Variants in TTC7B observed in about 807,000 individuals in gnomAD.
TTC7B encodes the protein tetratricopeptide repeat domain 7B.
In TTC7B, 28 loss-of-function variants were observed where a neutral mutation model predicts 106.8. That is an observed-to-expected ratio of 0.26 (90% CI 0.19 to 0.36). The LOEUF (loss-of-function observed/expected upper bound fraction) is 0.36, where lower values mean the gene tolerates loss of function less well. TTC7B is among the 10% of genes least tolerant of loss of function. The pLI is 1.00. For missense variants in TTC7B, 862 were observed against 1,076.4 expected (o/e 0.80, Z 2.79); for synonymous variants, 405 against 430.6 (o/e 0.94, Z 0.74).
chr14:90,612,148 C>T (rs1442237763), intron 16 of TTC7B, among the ~76,000 whole-genome samples: 1 of 152,220 alleles, frequency 6.6e-6, no homozygotes, highest in African/African-American at 2.4e-5. Context: ...AAGAAAACTT[C>T]CTTCAGGACA....
At chr14:90,697,396 G>C (rs1337692519) in intron 5 of TTC7B, 2 of 148,180 alleles carry the variant, frequency 1.3e-5, no homozygotes, top group African/African-American at 5.3e-5. Flanking sequence ...GGCCCAGTGA[G>C]AGAGTGAGCT....
chr14:90,689,888 G>A (rs1357157453), intron 6 of TTC7B, among the ~76,000 whole-genome samples, 176 bp from the exon 7 acceptor site: 1 of 152,162 alleles, frequency 6.6e-6, no homozygotes, highest in Non-Finnish European at 1.5e-5. Flanking sequence ...AGAAAGAAAA[G>A]AAAATATGAT....
chr14:90,784,273 T>C (rs1036885056), intron 2 of TTC7B, among the ~76,000 whole-genome samples: 6 of 152,076 alleles, frequency 3.9e-5, no homozygotes, highest in African/African-American at 1.4e-4. Flanking sequence ...ACATATGAGA[T>C]GAGGCCGGGA....
At chr14:90,565,927 G>A (rs1890775832) in intron 19 of TTC7B, among the ~76,000 whole-genome samples, 1 of 152,124 alleles carries the variant, frequency 6.6e-6, no homozygotes, top group South Asian at 2.1e-4. Context: ...GGTTCATGGT[G>A]CCCCCAAACA....
At chr14:90,633,607 C>T (rs1275205256) in intron 15 of TTC7B, among the ~76,000 whole-genome samples, 1 of 152,180 alleles carries the variant, frequency 6.6e-6, no homozygotes, top group East Asian at 1.9e-4. Flanking sequence ...GTCTGAGGGC[C>T]TGATCAAAGC....
At chr14:90,767,126 G>A (rs1890715997) in intron 3 of TTC7B, 2 of 595,484 alleles carry the variant, frequency 3.4e-6, no homozygotes, top group Non-Finnish European at 5.9e-6. Context: ...GGCTGAGGCA[G>A]GAGCATCGCT....
At chr14:90,626,297 A>T (rs761919283) in intron 15 of TTC7B, among the ~76,000 whole-genome samples, 6 of 152,194 alleles carry the variant, frequency 3.9e-5, no homozygotes, top group Non-Finnish European at 5.9e-5. Flanking sequence ...TCTTAAATTC[A>T]GTGAGAATTC....
chr14:90,679,664 G>A (rs1886975156), intron 8 of TTC7B, among the ~76,000 whole-genome samples: 1 of 152,166 alleles, frequency 6.6e-6, no homozygotes, highest in African/African-American at 2.4e-5. Flanking sequence ...TTTGATTCCA[G>A]GAGCCCACCC....
intron 5 of TTC7B, among the ~76,000 whole-genome samples, chr14:90,701,357 C>T (rs1002924471): frequency 1.2e-4 from 19 of 152,118 alleles, no homozygotes; most frequent in African/African-American, 3.9e-4. Flanking sequence ...GTAGGGACTA[C>T]GGCCCAGGCA....
At chr14:90,653,117 C>T (rs1286082958) in intron 12 of TTC7B, among the ~76,000 whole-genome samples, 1 of 152,192 alleles carries the variant, frequency 6.6e-6, no homozygotes. Flanking sequence ...TGGAACAATG[C>T]CAAGGGGACA....
chr14:90,562,825 C>T (rs1466187503), intron 19 of TTC7B, among the ~76,000 whole-genome samples: 1 of 152,164 alleles, frequency 6.6e-6, no homozygotes, highest in Admixed American at 6.5e-5. Context: ...ATGCATAAGC[C>T]ACCTCCAAAA....
chr14:90,787,003 C>T (rs1164286342), intron 1 of TTC7B, among the ~76,000 whole-genome samples: 1 of 152,160 alleles, frequency 6.6e-6, no homozygotes, highest in Non-Finnish European at 1.5e-5. Flanking sequence ...TACGTATTTT[C>T]AAGAGTGGCG....
At chr14:90,782,882 T>C (rs1891265394) in intron 2 of TTC7B, among the ~76,000 whole-genome samples, 1 of 151,904 alleles carries the variant, frequency 6.6e-6, no homozygotes, top group Non-Finnish European at 1.5e-5. Flanking sequence ...TTAACGCCAC[T>C]ACACTGTACA....
chr14:90,625,231 C>T (rs867094913), intron 15 of TTC7B, among the ~76,000 whole-genome samples: 10 of 152,080 alleles, frequency 6.6e-5, no homozygotes, highest in African/African-American at 1.2e-4. Flanking sequence ...ATGTCGTGAC[C>T]GGGAGAAGGC....
intron 15 of TTC7B, among the ~76,000 whole-genome samples, chr14:90,631,244 A>C (rs370315582): frequency 2.0e-5 from 3 of 152,094 alleles, no homozygotes; most frequent in East Asian, 3.9e-4. Flanking sequence ...CCTTTTGGCT[A>C]TTGAGAATTA....
At chr14:90,579,118 G>A (rs531809894) in intron 18 of TTC7B, among the ~76,000 whole-genome samples, 84 of 152,312 alleles carry the variant, frequency 5.5e-4, no homozygotes, top group African/African-American at 1.9e-3. Flanking sequence ...CAGGGGGAAC[G>A]TGTCAACTGG....
intron 17 of TTC7B, among the ~76,000 whole-genome samples, chr14:90,599,259 TA>T (rs1227122575): frequency 6.6e-6 from 1 of 152,202 alleles, no homozygotes; most frequent in Non-Finnish European, 1.5e-5. Flanking sequence ...ATAAATAGGA[TA>T]TATTATATTC....
At position 90,531,603 on chromosome 14, in the gene TTC7B, G is replaced by A. The variant is rs1020831581; in HGVS notation, c.*9765C>T. The A allele has an allele frequency of 8.2e-6, 1 of 121,962 alleles. No individual in the cohort carries two copies. 7.6% of individuals were successfully genotyped at this position (121,962 alleles called of 1,614,324 possible). Reference sequence around the variant, plus strand: ...CATTGCGCTCCAGCCTGGACAACAAGAGCGAAACTCCTTCTCAAAAAAAAA... The same window carrying A: ...CATTGCGCTCCAGCCTGGACAACAAAAGCGAAACTCCTTCTCAAAAAAAAA... On this transcript the variant is annotated 3_prime_UTR_variant, in exon 20 of 20. Coordinates refer to ENST00000328459, the MANE Select transcript of TTC7B (RefSeq NM_001010854.2).
rs777335678 is a variant in TTC7B, at chr14:90,657,659, C to T, written c.1237-381G>A. Among the ~76,000 whole-genome samples, 63 of 152,258 alleles carry T rather than the reference C, an allele frequency of 4.1e-4. No homozygotes were observed. Among genetic ancestry groups the T allele is most frequent in the Non-Finnish European group, 7.2e-4 (49 of 68,044 alleles). On this transcript the variant is annotated intron_variant, in intron 10 of 19. Coordinates refer to ENST00000328459, the MANE Select transcript of TTC7B (RefSeq NM_001010854.2). The surrounding 1 kb of genome is among the most constrained non-coding windows in gnomAD (Gnocchi z 4.2). ...AGCTCAAATAATCTTCCATCTCAGG[C>T]TTCATTCGCTAAATGGCCCAAATTA...
Sources: gnomAD v4.1 joint callset for allele counts (sites outside exome capture counted in the v4.1 genomes callset) on GRCh38, gnomAD v4.1.1 for gene constraint, Gnocchi (gnomAD v3.1) non-coding constraint, MANE v1.5 for transcripts, NCBI Gene and HGNC (gene_info 2026-07-23, HGNC 2026-07-21) for gene names.